ARHGAP10: variants seen among roughly 807,000 people sequenced by gnomAD.
The protein encoded by ARHGAP10 is Rho GTPase activating protein 10.
ARHGAP10 carries 87 observed loss-of-function variants against 108.6 expected under a neutral mutation model. The observed-to-expected ratio is 0.80, with a 90% CI of 0.67 to 0.96. The LOEUF is 0.96. Ranked by LOEUF, ARHGAP10 falls within the 40% of genes least tolerant of loss-of-function variation. ARHGAP10 has a pLI of 0.00. For missense variants in ARHGAP10, 939 were observed against 954.5 expected (o/e 0.98, Z 0.21); for synonymous variants, 347 against 341.1 (o/e 1.02, Z -0.19).
At chr4:148,015,202 A>T (rs1741303055) in intron 18 of ARHGAP10, among the ~76,000 whole-genome samples, 1 of 152,160 alleles carries the variant, frequency 6.6e-6, no homozygotes, top group African/African-American at 2.4e-5. Flanking sequence ...CACTATGAGG[A>T]ATTTCAGCTA....
At chr4:148,061,528 TCTTGC>T (rs1228170057) in intron 20 of ARHGAP10, among the ~76,000 whole-genome samples, 3 of 152,142 alleles carry the variant, frequency 2.0e-5, no homozygotes, top group African/African-American at 4.8e-5. Flanking sequence ...TTATAACAAA[TCTTGC>T]CTTGGGATAA....
At chr4:148,037,749 C>T (rs1027221433) in intron 19 of ARHGAP10, among the ~76,000 whole-genome samples, 3 of 151,644 alleles carry the variant, frequency 2.0e-5, no homozygotes, top group African/African-American at 4.8e-5. Context: ...GTACGAGAAT[C>T]GCTTGAACCC....
intron 16 of ARHGAP10, among the ~76,000 whole-genome samples, chr4:147,961,620 G>GTT (rs112446557): frequency 1.3e-5 from 2 of 149,400 alleles, no homozygotes; most frequent in Non-Finnish European, 3.0e-5. Context: ...CCATTCTCTT[G>GTT]TTTTTTTTTG....
chr4:148,048,958 ATT>A (rs111872757), intron 20 of ARHGAP10, among the ~76,000 whole-genome samples: 27 of 140,568 alleles, frequency 1.9e-4, no homozygotes, highest in Admixed American at 2.8e-4. Flanking sequence ...TGGAAAGGAG[ATT>A]TTTTTTTTTT....
At chr4:147,916,796 C>T (rs1737004267) in intron 13 of ARHGAP10, 1 of 152,210 alleles carries the variant, frequency 6.6e-6, no homozygotes, top group African/African-American at 2.4e-5. Flanking sequence ...AGTGTACTGC[C>T]TGAGAGGAGC....
In ARHGAP10 at chr4:147,774,087, A is replaced by G. The variant is rs774829424; in HGVS notation, c.154+41632A>G. ...GTAAAATGGGATAATAATAATATTCATAAGATAGTTGTGATAATGAAATGA... is the reference window on the plus strand; with the variant it reads ...GTAAAATGGGATAATAATAATATTCGTAAGATAGTTGTGATAATGAAATGA... On this transcript the variant is annotated intron_variant, in intron 1 of 22. Coordinates refer to ENST00000336498, the MANE Select transcript of ARHGAP10 (RefSeq NM_024605.4). 2.1e-4 allele frequency among the ~76,000 whole-genome samples: 32 copies of G among 152,232 alleles called. 1 individual carries two copies. Among genetic ancestry groups the G allele is most frequent in the Non-Finnish European group, 4.3e-4 (29 of 68,038 alleles).
chr4:147,955,249 C>T, intron 15 of ARHGAP10, 67 bp from the exon 16 acceptor site: 1 of 1,436,688 alleles, frequency 7.0e-7, no homozygotes, highest in Non-Finnish European at 9.6e-7. Context: ...AACATCCTTT[C>T]ATAAAAAAAC....
intron 1 of ARHGAP10, among the ~76,000 whole-genome samples, chr4:147,732,937 C>T (rs1728280168): frequency 6.6e-6 from 1 of 152,186 alleles, no homozygotes. Context: ...TCCAGAGTCC[C>T]CTTAAGCTTC....
At chr4:147,848,858 A>G (rs917333185) in intron 4 of ARHGAP10, among the ~76,000 whole-genome samples, 7 of 152,242 alleles carry the variant, frequency 4.6e-5, no homozygotes, top group African/African-American at 1.7e-4. Context: ...CTGCAAAGCA[A>G]CTTGCACAAT....
intron 18 of ARHGAP10, among the ~76,000 whole-genome samples, chr4:147,972,054 G>C (rs1739431511): frequency 6.6e-6 from 1 of 152,084 alleles, no homozygotes; most frequent in Non-Finnish European, 1.5e-5. Context: ...AAGGGGTTTG[G>C]GGGAGGAGTA....
intron 1 of ARHGAP10, among the ~76,000 whole-genome samples, chr4:147,768,440 A>C (rs1055570438): frequency 6.6e-6 from 1 of 152,186 alleles, no homozygotes; most frequent in African/African-American, 2.4e-5. Context: ...ACATCAGCTT[A>C]AAGATTTGTT....
Position 147,844,911 on chromosome 4 carries a change from C to G in ARHGAP10, c.313-2240C>G, listed in dbSNP as rs563433050. Among the ~76,000 whole-genome samples, 11 of 152,306 alleles carry G rather than the reference C, an allele frequency of 7.2e-5. No homozygotes were observed. The South Asian group carries it at 2.1e-3, about 29-fold the overall frequency. ...TAATTATCATTCTGTCAATTCACTG[C>G]TTGAAAACCCTCCTGTGGCTTTCCA... On this transcript the variant is annotated intron_variant, in intron 3 of 22. Coordinates refer to ENST00000336498, the MANE Select transcript of ARHGAP10 (RefSeq NM_024605.4).
chr4:147,963,332 C>T (rs28637907), intron 16 of ARHGAP10, among the ~76,000 whole-genome samples: 5,287 of 152,252 alleles, frequency 0.035, 293 homozygotes, highest in African/African-American at 0.11. Flanking sequence ...GACCCAATCT[C>T]CAAGGGCTCT....
At chr4:147,940,679 AT>A (rs1210203821) in intron 14 of ARHGAP10, among the ~76,000 whole-genome samples, 2 of 152,202 alleles carry the variant, frequency 1.3e-5, no homozygotes, top group African/African-American at 4.8e-5. Flanking sequence ...ATTAATCAAT[AT>A]TAACAATGCC....
At chr4:147,842,605 G>C (rs1010305492) in intron 3 of ARHGAP10, among the ~76,000 whole-genome samples, 1 of 152,098 alleles carries the variant, frequency 6.6e-6, no homozygotes, top group Non-Finnish European at 1.5e-5. Flanking sequence ...CCCTGAAATT[G>C]CTGTTTTCCC....
chr4:147,942,437 C>T (rs965533655), intron 14 of ARHGAP10, among the ~76,000 whole-genome samples: 1 of 152,086 alleles, frequency 6.6e-6, no homozygotes, highest in African/African-American at 2.4e-5. Context: ...TTTAAATACT[C>T]ATGTAAAAGT....
At chr4:148,021,269 C>T (rs372341198) in intron 18 of ARHGAP10, among the ~76,000 whole-genome samples, 3 of 152,264 alleles carry the variant, frequency 2.0e-5, no homozygotes, top group South Asian at 2.1e-4. Context: ...CCTCACCCCC[C>T]ACACCCTTTC....
chr4:147,918,205 G>A (rs550659897), intron 13 of ARHGAP10, among the ~76,000 whole-genome samples: 10 of 142,956 alleles, frequency 7.0e-5, no homozygotes, highest in Non-Finnish European at 1.0e-4. Context: ...GCTTGATCTC[G>A]GCTCACTGCA....
chr4:147,926,779 A>T (rs1737478047), intron 13 of ARHGAP10, among the ~76,000 whole-genome samples: 2 of 152,196 alleles, frequency 1.3e-5, no homozygotes, highest in African/African-American at 4.8e-5. Flanking sequence ...GGAATCCATA[A>T]GAGGGGAGAT....
Sources: allele counts gnomAD v4.1 joint callset (sites outside exome capture counted in the v4.1 genomes callset), GRCh38; gene constraint gnomAD v4.1.1; transcripts MANE v1.5; gene names NCBI Gene and HGNC (gene_info 2026-07-23, HGNC 2026-07-21).